Variants in G3BP1 observed in about 807,000 individuals in gnomAD.
G3BP1 encodes the protein ras GTPase-activating protein-binding protein 1.
A neutral mutation model predicts 58.6 loss-of-function variants in G3BP1; 35 were observed. That is an observed-to-expected ratio of 0.60 (90% CI 0.46 to 0.79). G3BP1 has a LOEUF of 0.79. Among genes scored for constraint, G3BP1 ranks in the 30% least tolerant of loss-of-function variants. The probability of loss-of-function intolerance (pLI) is 0.00; values close to 1 mark genes in which losing one functional copy is unlikely to be tolerated. For missense variants in G3BP1, 523 were observed against 580.8 expected (o/e 0.90, Z 1.02); for synonymous variants, 191 against 195.4 (o/e 0.98, Z 0.19).
At chr5:151,781,348 C>T (rs1762467175) in intron 1 of G3BP1, among the ~76,000 whole-genome samples, 1 of 152,034 alleles carries the variant, frequency 6.6e-6, no homozygotes, top group Admixed American at 6.5e-5. Flanking sequence ...TAATTTTTTT[C>T]CTAGCCACCT....
Position 151,775,288 on chromosome 5 carries a change from A to T in G3BP1, c.-50+3252A>T, listed in dbSNP as rs77605140. Among the ~76,000 whole-genome samples, 1,317 of 152,328 alleles carry T rather than the reference A, an allele frequency of 8.6e-3. 16 individuals are homozygous for T. The highest frequency in any genetic ancestry group is 0.03 in the African/African-American group (1,264 of 41,570). On this transcript the variant is annotated intron_variant, in intron 1 of 11. Coordinates refer to ENST00000356245, the MANE Select transcript of G3BP1 (RefSeq NM_005754.3). ...TGGTATACACATCTACTTAGTAGGG[A>T]TGTAATCTTTGGTGGCTATTAACTT...
At chr5:151,789,292 A>G (rs1762606258) in intron 2 of G3BP1, among the ~76,000 whole-genome samples, 1 of 152,074 alleles carries the variant, frequency 6.6e-6, no homozygotes, top group African/African-American at 2.4e-5. Context: ...TAAAAATACA[A>G]AAAAAGGCGG....
rs533307474 is a variant in G3BP1 at position 151,809,710 on chromosome 5, T to G, written c.*5619T>G. 1.3e-5 allele frequency: 2 copies of G among 152,188 alleles called. No homozygotes were observed. The highest frequency in any genetic ancestry group is 4.8e-5 in the African/African-American group (2 of 41,466). 9.4% of individuals were successfully genotyped at this position (152,188 alleles called of 1,614,324 possible). A position where few individuals can be genotyped will look rare whatever the true frequency, so the allele number is the denominator to read the frequency against. On this transcript the variant is annotated 3_prime_UTR_variant, in exon 12 of 12. Transcript: ENST00000356245. ...CCCAAATCTGCTTTTAGAAGTAATA[T>G]GGTGATCATCAGTTTAGATTCACTG...
chr5:151,795,712 G>T (rs1331533339), intron 6 of G3BP1, 137 bp downstream of exon 6: 2 of 522,058 alleles, frequency 3.8e-6, no homozygotes, highest in South Asian at 3.0e-5. Context: ...TTTTGTTTCT[G>T]GTAATTTTGA....
chr5:151,790,231 A>C, intron 2 of G3BP1, 92 bp from the exon 3 acceptor site: 1 of 147,116 alleles, frequency 6.8e-6, no homozygotes, highest in East Asian at 1.9e-4. Context: ...ACCCCGTTGC[A>C]AAAAAAAAAA....
At chr5:151,790,110 C>CA (rs759799755) in intron 2 of G3BP1, among the ~76,000 whole-genome samples, 3,005 of 56,786 alleles carry the variant, frequency 0.053, 151 homozygotes, top group African/African-American at 0.14. Flanking sequence ...TCAGCAAGAG[C>CA]AAAAAAAAAA....
chr5:151,787,914 CAT>C lies in G3BP1; in HGVS notation c.95+1200_95+1201del, dbSNP rs1491263321. On this transcript the variant is annotated intron_variant, in intron 2 of 11. Transcript: ENST00000356245. Reference sequence around the variant, plus strand: ...TATATCTCGTGTGTGTGTGTGTGTGCATGTGTGTGTGTGTGTGAGAGAGAGAG... The same window carrying C: ...TATATCTCGTGTGTGTGTGTGTGTGCGTGTGTGTGTGTGTGAGAGAGAGAG... 2.2e-3 allele frequency: 371 copies of C among 167,842 alleles called. 4 individuals carry two copies. The highest frequency in any genetic ancestry group is 0.018 in the East Asian group (100 of 5,408). 10.4% of individuals were successfully genotyped at this position (167,842 alleles called of 1,614,324 possible).
At chr5:151,796,291 CAG>C (rs923020366) in intron 6 of G3BP1, among the ~76,000 whole-genome samples, 12 of 152,180 alleles carry the variant, frequency 7.9e-5, no homozygotes, top group African/African-American at 2.4e-4. Flanking sequence ...TCTATTGAGA[CAG>C]AGTCTTGCTC....
intron 11 of G3BP1, among the ~76,000 whole-genome samples, chr5:151,803,092 T>A (rs1762881696): frequency 6.6e-6 from 1 of 152,232 alleles, no homozygotes; most frequent in Admixed American, 6.5e-5. Context: ...ACTTTGGCTC[T>A]GTTAGGAGGA....
chr5:151,779,774 T>C (rs1461151300), intron 1 of G3BP1, among the ~76,000 whole-genome samples: 1 of 152,238 alleles, frequency 6.6e-6, no homozygotes, highest in African/African-American at 2.4e-5. Context: ...ATCTTAAAAG[T>C]GCTCTCATAT....
chr5:151,797,376 GTTC>G lies in G3BP1; in HGVS notation c.694_696del (p.Ser232del), dbSNP rs756479611. The G allele has an allele frequency of 9.3e-5, 150 of 1,613,824 alleles. 1 individual carries two copies. In the East Asian group the frequency reaches 2.5e-3, roughly 27 times the overall value. On this transcript the variant is annotated inframe_deletion, in exon 7 of 12. Transcript: ENST00000356245. The stretch of plus-strand genomic sequence containing the variant: ...ACTGCCCCTGAGGATGCTCAGAAGA[GTTC>G]TTCTCCAGCACCTGCAGACATAGCT...
At chr5:151,772,152 C>T (rs1472498655) in intron 1 of G3BP1, 116 bp downstream of exon 1, 5 of 150,588 alleles carry the variant, frequency 3.3e-5, no homozygotes, top group Non-Finnish European at 5.9e-5. Flanking sequence ...GCGTCCCCCA[C>T]CCCAACCCCC....
rs1404271115 is a variant in G3BP1 at position 151,812,622 on chromosome 5, C to T, written c.*8531C>T. The T allele has an allele frequency of 1.3e-5, 2 of 152,228 alleles. No homozygotes were observed. The highest frequency in any genetic ancestry group is 1.3e-4 in the Admixed American group (2 of 15,284). 9.4% of individuals were successfully genotyped at this position (152,228 alleles called of 1,614,324 possible). On this transcript the variant is annotated 3_prime_UTR_variant, in exon 12 of 12. Coordinates refer to ENST00000356245, the MANE Select transcript of G3BP1 (RefSeq NM_005754.3). ...GGGACTCTGAGATTGCACACTCTTG[C>T]CCTGTTGGCAGAAACTAGCCCATCT...
rs145743307 is a variant in G3BP1 at position 151,804,040 on chromosome 5, G to A, written c.1350G>A (p.Met450Ile). The A allele has an allele frequency of 3.0e-4, 476 of 1,613,058 alleles. No individual in the cohort carries two copies. The highest frequency in any genetic ancestry group is 3.7e-4 in the Non-Finnish European group (441 of 1,179,516). The stretch of plus-strand genomic sequence containing the variant: ...TGAGAGGCCCTCCCCGTGGAGGCAT[G>A]GTGCAGAAACCAGGATTTGGAGTGG... ...GGMRGPPRGGMVQKPGFGVGR... is the reference protein window; with the variant it reads ...GGMRGPPRGGIVQKPGFGVGR... The change falls in exon 12 of 12, where the codon ATG becomes ATA. Residue 450 changes from methionine (M) to isoleucine (I), a missense_variant. Met to Ile is a conservative substitution (Grantham distance 10). Around this residue, in one of 2 missense-constraint regions of G3BP1, gnomAD observed 125 missense variants for 181.7 expected, o/e 0.69. Transcript: ENST00000356245.
intron 1 of G3BP1, among the ~76,000 whole-genome samples, chr5:151,778,538 T>C (rs1371232058): frequency 6.6e-6 from 1 of 151,900 alleles, no homozygotes; most frequent in African/African-American, 2.4e-5. Context: ...GCCTCCTGGG[T>C]TTAGGTGATT....
Position 151,805,873 on chromosome 5 carries a change from G to A in G3BP1, c.*1782G>A, listed in dbSNP as rs932707465. 2 of 152,134 alleles carry A rather than the reference G, an allele frequency of 1.3e-5. No homozygotes were observed. Among genetic ancestry groups the A allele is most frequent in the African/African-American group, 4.8e-5 (2 of 41,426 alleles). The allele number at this position is 152,134 out of a possible 1,614,324, so 9.4% of individuals were successfully genotyped here. A position where few individuals can be genotyped will look rare whatever the true frequency, so the allele number is the denominator to read the frequency against. On this transcript the variant is annotated 3_prime_UTR_variant, in exon 12 of 12. Transcript: ENST00000356245. ...TCACTTTGGAAAAAAAAATTACTTT[G>A]TGGTAACTTCAAGGTCATAAATTAT...
At chr5:151,801,388 TGTAGAATGG>T (rs2113250683) in intron 11 of G3BP1, among the ~76,000 whole-genome samples, 1 of 152,366 alleles carries the variant, frequency 6.6e-6, no homozygotes, top group East Asian at 1.9e-4. Flanking sequence ...TAGAAGAATT[TGTAGAATGG>T]AAATCTTACT....
At position 151,795,532 on chromosome 5, in the gene G3BP1, G is replaced by A. The variant is rs776435106; in HGVS notation, c.496G>A (p.Val166Ile). The A allele has an allele frequency of 4.4e-6, 7 of 1,608,134 alleles. No homozygotes were observed. Among genetic ancestry groups the A allele is most frequent in the African/African-American group, 1.3e-5 (1 of 74,798 alleles). The change falls in exon 6 of 12, where the codon GTA (valine) becomes ATA (isoleucine). Residue 166 changes from valine (V) to isoleucine (I), a missense_variant. By Grantham distance (29) the Val-to-Ile change is conservative (BLOSUM62 3). Transcript: ENST00000356245. The part of the protein sequence containing the change: ...PEERQQTPEV[V>I]PDDSGTFYDQ... The stretch of plus-strand genomic sequence containing the variant: ...AGAAAGACAGCAAACACCTGAGGTG[G>A]TACCTGATGATTCTGGAACTTTCTA...
chr5:151,801,418 C>T (rs1311991057), intron 11 of G3BP1, among the ~76,000 whole-genome samples: 3 of 152,022 alleles, frequency 2.0e-5, no homozygotes, highest in African/African-American at 7.2e-5. Context: ...GTGGGATCCC[C>T]AAAGAAAGCT....
Sources: allele counts gnomAD v4.1 joint callset (sites outside exome capture counted in the v4.1 genomes callset), GRCh38; gene constraint gnomAD v4.1.1; regional missense constraint gnomAD v4.1.1; transcripts MANE v1.5; gene names NCBI Gene and HGNC (gene_info 2026-07-23, HGNC 2026-07-21).